The following KLF5 variants were observed in gnomAD, a reference collection of about 807,000 sequenced individuals.
The protein encoded by KLF5 is KLF transcription factor 5.
Under a neutral mutation model 36.9 loss-of-function variants are expected in KLF5, and 9 were observed. That is an observed-to-expected ratio of 0.24 (90% CI 0.15 to 0.43). The LOEUF (loss-of-function observed/expected upper bound fraction) is 0.43, where lower values mean the gene tolerates loss of function less well. KLF5 is among the 20% of genes least tolerant of loss of function. KLF5 has a pLI of 1.00. For synonymous variants in KLF5, 246 were observed against 241.7 expected, an observed-to-expected ratio of 1.02 and a Z score of -0.17; for missense variants, 524 against 599.5, an observed-to-expected ratio of 0.87 and a Z score of 1.31.
At chr13:73,067,728 T>C (rs1050130677) in intron 3 of KLF5, among the ~76,000 whole-genome samples, 10 of 152,122 alleles carry the variant, frequency 6.6e-5, no homozygotes, top group Admixed American at 2.6e-4. Context: ...GTGTACTAAG[T>C]GATCCCAGAG....
At chr13:73,072,940 G>A (rs917437331) in intron 3 of KLF5, among the ~76,000 whole-genome samples, 3 of 152,200 alleles carry the variant, frequency 2.0e-5, no homozygotes, top group Non-Finnish European at 4.4e-5. Context: ...TTTCTGTGCT[G>A]TACAAACTTG....
At chr13:73,073,767 AT>A (rs1411493227) in intron 3 of KLF5, among the ~76,000 whole-genome samples, 4 of 151,960 alleles carry the variant, frequency 2.6e-5, no homozygotes, top group African/African-American at 7.2e-5. Flanking sequence ...CTGTGCAAAA[AT>A]TTTTTTTGTG....
intron 1 of KLF5, among the ~76,000 whole-genome samples, chr13:73,060,379 A>C (rs1020126128): frequency 1.3e-5 from 2 of 152,276 alleles, no homozygotes; most frequent in African/African-American, 4.8e-5. Context: ...AATTGGAAAC[A>C]TACCCACATG....
chr13:73,074,904 C>T (rs1448558656), intron 3 of KLF5: 4 of 151,972 alleles, frequency 2.6e-5, no homozygotes, highest in East Asian at 1.9e-4. Context: ...AGATGCTTGG[C>T]GAATTGTTTA....
At chr13:73,062,861 T>A (rs1340093578) in intron 2 of KLF5, 127 bp downstream of exon 2, 10 of 761,416 alleles carry the variant, frequency 1.3e-5, no homozygotes, top group Non-Finnish European at 2.1e-5. Flanking sequence ...AATAGGAAAG[T>A]TGTACTTGAC....
At position 73,059,100 on chromosome 13, in the gene KLF5, G is replaced by A; in HGVS notation, c.-228G>A. On this transcript the variant is annotated 5_prime_UTR_variant, in exon 1 of 4. Transcript: ENST00000377687. Reference sequence around the variant, plus strand: ...GAGCCTGAGAGCACGGTGGGGCGGGGCGGGAGAAAGTGGCCGCCCGGAGGA... The same window carrying A: ...GAGCCTGAGAGCACGGTGGGGCGGGACGGGAGAAAGTGGCCGCCCGGAGGA... 1 of 378,872 alleles carries A rather than the reference G, an allele frequency of 2.6e-6. No individual in the cohort carries two copies. Among genetic ancestry groups the A allele is most frequent in the Non-Finnish European group, 4.7e-6 (1 of 214,984 alleles). 23.5% of individuals were successfully genotyped at this position (378,872 alleles called of 1,614,324 possible).
At position 73,075,905 on chromosome 13, in the gene KLF5, G is replaced by T. The variant is rs368090724; in HGVS notation, c.*19G>T. On this transcript the variant is annotated 3_prime_UTR_variant, in exon 4 of 4. Coordinates refer to ENST00000377687, the MANE Select transcript of KLF5 (RefSeq NM_001730.5). ...GAACTGAGCACTGCCCGTGTGACCC[G>T]TTCCAGGTCCCCTGGGCTCCCTCAA... 1.3e-6 allele frequency: 2 copies of T among 1,519,260 alleles called. No individual in the cohort carries two copies. Among genetic ancestry groups the T allele is most frequent in the Admixed American group, 3.5e-5 (2 of 56,490 alleles). The allele number at this position is 1,519,260 out of a possible 1,614,324, so 94.1% of individuals were successfully genotyped here. A position where few individuals can be genotyped will look rare whatever the true frequency, so the allele number is the denominator to read the frequency against.
upstream of KLF5, among the ~76,000 whole-genome samples, chr13:73,058,163 G>C (rs764267563): frequency 3.3e-5 from 5 of 152,214 alleles, no homozygotes; most frequent in Non-Finnish European, 5.9e-5. Flanking sequence ...ATACACGTTT[G>C]AGCTAGTCGT....
At chr13:73,072,115 A>G (rs1325992556) in intron 3 of KLF5, among the ~76,000 whole-genome samples, 1 of 152,240 alleles carries the variant, frequency 6.6e-6, no homozygotes, top group Non-Finnish European at 1.5e-5. Flanking sequence ...TTGTTAGAAG[A>G]ATCTATGTAG....
At chr13:73,060,735 A>G (rs770588582) in intron 1 of KLF5, 1 of 152,248 alleles carries the variant, frequency 6.6e-6, no homozygotes, top group Non-Finnish European at 1.5e-5. Flanking sequence ...TTAAGGTGCC[A>G]CAGCTAATAT....
In KLF5 at chr13:73,059,225, C is replaced by T. The variant is rs2044608980; in HGVS notation, c.-103C>T. 1.7e-6 allele frequency: 2 copies of T among 1,160,892 alleles called. No individual in the cohort carries two copies. Among genetic ancestry groups the T allele is most frequent in the Non-Finnish European group, 2.2e-6 (2 of 914,074 alleles). The allele number at this position is 1,160,892 out of a possible 1,614,324, so 71.9% of individuals were successfully genotyped here. On this transcript the variant is annotated 5_prime_UTR_variant, in exon 1 of 4. Transcript: ENST00000377687. ...CTGAGGAGTCCACCCGAAACCTCCC[C>T]TCCTCCGCCGGCAGCCCCGCGCTGA...
At chr13:73,062,872 A>AG in intron 2 of KLF5, 138 bp downstream of exon 2, 2 of 615,698 alleles carry the variant, frequency 3.2e-6, no homozygotes, top group Non-Finnish European at 2.7e-6. Flanking sequence ...TGTACTTGAC[A>AG]GTAAAAAAAA....
chr13:73,055,061 T>A (rs957541401), upstream of KLF5: 4 of 152,238 alleles, frequency 2.6e-5, no homozygotes, highest in African/African-American at 9.6e-5. Context: ...TACAATACGC[T>A]TGGCCTATAA....
rs1170010778 is a variant in KLF5, at chr13:73,062,748, C to A, written c.1135+14C>A. On this transcript the variant is annotated intron_variant, in intron 2 of 3. Transcript: ENST00000377687. ...GCGATTACCCTGGTATGTGCTCTTA[C>A]CTGGTTGAAGCATCAATAGATGTAG... 1 of 1,607,382 alleles carries A rather than the reference C, an allele frequency of 6.2e-7. No homozygotes were observed. Among genetic ancestry groups the A allele is most frequent in the African/African-American group, 1.3e-5 (1 of 74,718 alleles).
intron 3 of KLF5, among the ~76,000 whole-genome samples, chr13:73,066,217 C>T (rs1042999291): frequency 6.6e-6 from 1 of 152,138 alleles, no homozygotes; most frequent in African/African-American, 2.4e-5. Flanking sequence ...CCTCATTTCT[C>T]ATTTCTAGAC....
At chr13:73,056,131 ATCCGTATTTATTCCCGTAAAGATAG>A (rs1297515563), upstream of KLF5, among the ~76,000 whole-genome samples, 1 of 151,060 alleles carries the variant, frequency 6.6e-6, no homozygotes, top group East Asian at 1.9e-4. Flanking sequence ...CCGCATATTC[ATCCGTATTTATTCCCGTAAAGATAG>A]TGACACTTAT....
chr13:73,073,495 C>T (rs2044736845), intron 3 of KLF5, among the ~76,000 whole-genome samples: 2 of 152,258 alleles, frequency 1.3e-5, no homozygotes, highest in South Asian at 4.1e-4. Context: ...TTTATTGCTT[C>T]ATAGCCAATA....
At chr13:73,057,507 T>C (rs1297821301), upstream of KLF5, among the ~76,000 whole-genome samples, 1 of 152,090 alleles carries the variant, frequency 6.6e-6, no homozygotes, top group East Asian at 1.9e-4. Context: ...TAAAAATGAA[T>C]CATGTGTCAA....
At chr13:73,059,936 T>C in intron 1 of KLF5, 1 of 320,136 alleles carries the variant, frequency 3.1e-6, no homozygotes, top group South Asian at 1.2e-4. Context: ...TTTACTTAAA[T>C]TACGCCTTCG....
Sources: gnomAD v4.1 joint callset for allele counts (sites outside exome capture counted in the v4.1 genomes callset) on GRCh38, gnomAD v4.1.1 for gene constraint, MANE v1.5 for transcripts, NCBI Gene and HGNC (gene_info 2026-07-23, HGNC 2026-07-21) for gene names.